The following RANGAP1 variants were observed in gnomAD, a reference collection of about 807,000 sequenced individuals.
The protein encoded by RANGAP1 is Ran GTPase activating protein 1, also known as ran GTPase-activating protein 1.
In RANGAP1, 38 loss-of-function variants were observed where a neutral mutation model predicts 63.5. That is an observed-to-expected ratio of 0.60 (90% CI 0.46 to 0.78). The LOEUF (loss-of-function observed/expected upper bound fraction) is 0.78. Among genes scored for constraint, RANGAP1 ranks in the 30% least tolerant of loss-of-function variants. The pLI, the probability that RANGAP1 is intolerant of heterozygous loss-of-function variation, is 0.00. For missense variants in RANGAP1, 630 were observed against 740.3 expected (o/e 0.85, Z 1.73); for synonymous variants, 329 against 310.5 (o/e 1.06, Z -0.63).
At chr22:41,286,559 T>A (rs1249807319), upstream of RANGAP1, among the ~76,000 whole-genome samples, 1 of 152,248 alleles carries the variant, frequency 6.6e-6, no homozygotes, top group Non-Finnish European at 1.5e-5. Flanking sequence ...TGATAACAGG[T>A]ACTGCTGGCT....
At chr22:41,265,153 GCA>G (rs2034394598) in intron 4 of RANGAP1, among the ~76,000 whole-genome samples, 1 of 152,208 alleles carries the variant, frequency 6.6e-6, no homozygotes, top group Non-Finnish European at 1.5e-5. Flanking sequence ...AAAAACAGGA[GCA>G]GAGAGACATA....
intron 8 of RANGAP1, 75 bp downstream of exon 8, chr22:41,256,635 AC>A: frequency 7.5e-7 from 1 of 1,331,180 alleles, no homozygotes; most frequent in Non-Finnish European, 1.1e-6. Flanking sequence ...CTGCCTTCAG[AC>A]CAGACCCCTG....
intron 3 of RANGAP1, among the ~76,000 whole-genome samples, chr22:41,272,278 C>A (rs1032967508): frequency 1.3e-5 from 2 of 152,098 alleles, no homozygotes; most frequent in Non-Finnish European, 2.9e-5. Context: ...CCAGCTTATG[C>A]TCAGGGAAAG....
In RANGAP1 at chr22:41,246,549, C is replaced by T. The variant is rs2033044167; in HGVS notation, c.*54G>A. On this transcript the variant is annotated 3_prime_UTR_variant, in exon 16 of 16. Coordinates refer to ENST00000356244, the MANE Select transcript of RANGAP1 (RefSeq NM_002883.4). ...GGCGTAGGCTGCGCCTCAGTTCATC[C>T]GAGTCCCTCCCCAGCTCACTGGTCC... 3.4e-6 allele frequency: 5 copies of T among 1,477,948 alleles called. No homozygotes were observed. Among genetic ancestry groups the T allele is most frequent in the Admixed American group, 2.0e-5 (1 of 50,856 alleles). 91.6% of individuals were successfully genotyped at this position (1,477,948 alleles called of 1,614,324 possible).
chr22:41,280,798 C>A, intron 2 of RANGAP1, 135 bp downstream of exon 2: 1 of 1,526,776 alleles, frequency 6.5e-7, no homozygotes, highest in Non-Finnish European at 8.8e-7. Flanking sequence ...TTAGAATAGG[C>A]CCAATGATAC....
chr22:41,287,608 C>T (rs933390767), upstream of RANGAP1, among the ~76,000 whole-genome samples: 3 of 151,188 alleles, frequency 2.0e-5, no homozygotes, highest in Non-Finnish European at 4.4e-5. Context: ...TGCAGTGAGC[C>T]GTGATTGCAC....
At chr22:41,291,791 C>G in the RANGAP1 span, among the ~76,000 whole-genome samples, 2 of 151,144 alleles carry the variant, frequency 1.3e-5, no homozygotes, top group Non-Finnish European at 3.0e-5. Context: ...GTCCCAGCTA[C>G]TCGGGAGGCT....
chr22:41,260,800 C>T (rs767023722), intron 6 of RANGAP1, among the ~76,000 whole-genome samples: 3 of 152,088 alleles, frequency 2.0e-5, no homozygotes, highest in Non-Finnish European at 4.4e-5. Flanking sequence ...GCCAAGATCA[C>T]GCACTGCACT....
intron 3 of RANGAP1, among the ~76,000 whole-genome samples, 179 bp downstream of exon 3, chr22:41,274,421 C>G (rs1374250176): frequency 6.6e-6 from 1 of 152,192 alleles, no homozygotes; most frequent in East Asian, 1.9e-4. Flanking sequence ...CTGCTGACTA[C>G]AGGGAGAGGG....
chr22:41,281,252 T>C (rs2035476436), intron 1 of RANGAP1, 170 bp from the exon 2 acceptor site: 1 of 901,020 alleles, frequency 1.1e-6, no homozygotes, highest in Non-Finnish European at 1.6e-6. Context: ...GGAACAGTTC[T>C]AGAAGGTGCA....
At chr22:41,283,490 A>G (rs2035602618) in intron 1 of RANGAP1, among the ~76,000 whole-genome samples, 1 of 152,148 alleles carries the variant, frequency 6.6e-6, no homozygotes, top group South Asian at 2.1e-4. Context: ...GCCTGGCGAC[A>G]GAGCAAGACT....
rs749353383 is a variant in RANGAP1, at chr22:41,257,923, A to C, written c.774+25T>G. 14 of 1,577,600 alleles carry C rather than the reference A, an allele frequency of 8.9e-6. No homozygotes were observed. The highest frequency in any genetic ancestry group is 4.5e-5 in the East Asian group (2 of 43,992). On this transcript the variant is annotated intron_variant, in intron 7 of 15. Coordinates refer to ENST00000356244, the MANE Select transcript of RANGAP1 (RefSeq NM_002883.4). This position sits in a 1 kb window ranked among gnomAD's most constrained non-coding sequence, Gnocchi z 4.0. ...GCCAGCCTCTATCTGGCGGGGCCCA[A>C]CTGGCTCTGCCACACTCGCCTCACC...
chr22:41,267,395 A>G (rs1365131844), intron 4 of RANGAP1, among the ~76,000 whole-genome samples: 2 of 152,110 alleles, frequency 1.3e-5, no homozygotes, highest in Non-Finnish European at 2.9e-5. Context: ...AGTAACATCA[A>G]TGTGCACACT....
At chr22:41,261,310 C>T in intron 6 of RANGAP1, 136 bp downstream of exon 6, 1 of 1,344,236 alleles carries the variant, frequency 7.4e-7, no homozygotes, top group South Asian at 1.4e-5. Flanking sequence ...GATGGGTTAA[C>T]AGGCTTGGAG....
Position 41,257,805 on chromosome 22 carries a change from A to T in RANGAP1, c.774+143T>A. 1 of 1,039,290 alleles carries T rather than the reference A, an allele frequency of 9.6e-7. No individual in the cohort carries two copies. The highest frequency in any genetic ancestry group is 1.3e-6 in the Non-Finnish European group (1 of 747,642). 64.4% of individuals were successfully genotyped at this position (1,039,290 alleles called of 1,614,324 possible). ...GCAACCCTGTTCAGGACATGTTCAAAGAGCTGGAGCCATGGGGCACACACC... is the reference window on the plus strand; with the variant it reads ...GCAACCCTGTTCAGGACATGTTCAATGAGCTGGAGCCATGGGGCACACACC... On this transcript the variant is annotated intron_variant, in intron 7 of 15. Transcript: ENST00000356244. The surrounding 1 kb of genome is among the most constrained non-coding windows in gnomAD (Gnocchi z 4.0).
intron 2 of RANGAP1, among the ~76,000 whole-genome samples, chr22:41,280,300 C>T (rs1197660552): frequency 6.6e-6 from 1 of 152,174 alleles, no homozygotes. Flanking sequence ...TCCCAGGAGG[C>T]CTCACTTGAT....
chr22:41,261,697 G>T, intron 5 of RANGAP1, 117 bp from the exon 6 acceptor site: 1 of 1,264,998 alleles, frequency 7.9e-7, no homozygotes, highest in Non-Finnish European at 1.1e-6. Context: ...GCAGGTCAGG[G>T]GACGCAGGAC....
the RANGAP1 span, among the ~76,000 whole-genome samples, chr22:41,300,425 A>AACACACACAC: frequency 2.5e-5 from 1 of 40,150 alleles, no homozygotes; most frequent in Non-Finnish European, 5.1e-5. Flanking sequence ...GGGTATTGGG[A>AACACACACAC]ACTCACACAC....
intron 15 of RANGAP1, among the ~76,000 whole-genome samples, chr22:41,247,141 C>T (rs112037949): frequency 0.042 from 6,322 of 152,056 alleles, 435 homozygotes; most frequent in African/African-American, 0.14. Context: ...CTGCAAGCTC[C>T]GCCTCCCGAG....
Sources: gnomAD v4.1 joint callset for allele counts (sites outside exome capture counted in the v4.1 genomes callset) on GRCh38, gnomAD v4.1.1 for gene constraint, Gnocchi (gnomAD v3.1) non-coding constraint, MANE v1.5 for transcripts, NCBI Gene and HGNC (gene_info 2026-07-23, HGNC 2026-07-21) for gene names.